Variants in ACYP2 observed in about 807,000 individuals in gnomAD.
ACYP2 encodes the protein acylphosphatase 2.
Under a neutral mutation model 11.2 loss-of-function variants are expected in ACYP2, and 12 were observed. That is an observed-to-expected ratio of 1.08 (90% CI 0.69 to 1.74). The LOEUF (loss-of-function observed/expected upper bound fraction) is 1.74. ACYP2 is among the 40% of genes most tolerant of loss of function. ACYP2 has a pLI of 0.00. For synonymous variants in ACYP2, 43 were observed against 32.2 expected (o/e 1.33, Z -1.13); for missense variants, 134 against 101.9 (o/e 1.31, Z -1.35).
chr2:54,158,895 T>C (rs1682570212), intron 6 of ACYP2, among the ~76,000 whole-genome samples: 1 of 152,122 alleles, frequency 6.6e-6, no homozygotes, highest in Non-Finnish European at 1.5e-5. Context: ...GAAAACAAAT[T>C]TGGACAATAT....
At chr2:54,296,784 T>C (rs1212383145) in intron 6 of ACYP2, among the ~76,000 whole-genome samples, 1 of 152,242 alleles carries the variant, frequency 6.6e-6, no homozygotes, top group Admixed American at 6.5e-5. Flanking sequence ...GGTTATCAAA[T>C]AACCTGACTT....
chr2:53,996,176 A>G (rs989080363), intron 2 of ACYP2, among the ~76,000 whole-genome samples: 12 of 152,146 alleles, frequency 7.9e-5, no homozygotes, highest in South Asian at 2.1e-4. Context: ...ACAAACGGCT[A>G]TTCTAGGCAT....
chr2:53,988,096 G>A (rs986961257), intron 2 of ACYP2, among the ~76,000 whole-genome samples: 1 of 152,118 alleles, frequency 6.6e-6, no homozygotes, highest in Non-Finnish European at 1.5e-5. Flanking sequence ...TGGGCATGGT[G>A]TTGCGCACCT....
intron 4 of ACYP2, among the ~76,000 whole-genome samples, chr2:54,119,258 T>C (rs1013205231): frequency 6.6e-6 from 1 of 151,872 alleles, no homozygotes; most frequent in African/African-American, 2.4e-5. Context: ...AGTCTCACTA[T>C]GTTGACTAGG....
chr2:53,979,687 G>C (rs138163307), intron 2 of ACYP2, among the ~76,000 whole-genome samples: 1 of 151,906 alleles, frequency 6.6e-6, no homozygotes, highest in Admixed American at 6.6e-5. Context: ...GCAGTACAAT[G>C]TGTGTGTGTT....
At chr2:54,114,950 A>C (rs1190515070) in intron 4 of ACYP2, among the ~76,000 whole-genome samples, 3 of 151,160 alleles carry the variant, frequency 2.0e-5, no homozygotes, top group Non-Finnish European at 4.4e-5. Context: ...TAATTTACTA[A>C]CTCTCAAAAC....
At chr2:54,164,687 G>A (rs558169104) in intron 6 of ACYP2, among the ~76,000 whole-genome samples, 48 of 152,204 alleles carry the variant, frequency 3.2e-4, no homozygotes, top group Admixed American at 8.5e-4. Context: ...GGCAAACAGC[G>A]TTTTTTTGTT....
At chr2:54,177,351 G>C (rs748167038) in intron 6 of ACYP2, among the ~76,000 whole-genome samples, 2 of 152,142 alleles carry the variant, frequency 1.3e-5, no homozygotes, top group Non-Finnish European at 1.5e-5. Context: ...ATGGTGTGAG[G>C]TCTTCTCCTA....
At chr2:54,186,639 G>A (rs1432045359) in intron 6 of ACYP2, among the ~76,000 whole-genome samples, 1 of 151,776 alleles carries the variant, frequency 6.6e-6, no homozygotes, top group East Asian at 1.9e-4. Flanking sequence ...TCAGCCTCCC[G>A]AGTAGCTGGG....
In ACYP2 at chr2:54,207,008, T is replaced by TTG. The variant is rs553019356; in HGVS notation, c.404+68272_404+68273dup. Reference sequence around the variant, plus strand: ...GAGTTCTCTAGAGAAGCAGAACCAATTGTGTGTGTGTGTATATGTGTGCAT... The same window carrying TTG: ...GAGTTCTCTAGAGAAGCAGAACCAATTGTGTGTGTGTGTGTATATGTGTGCAT... On this transcript the variant is annotated intron_variant, in intron 6 of 6. Coordinates refer to ENST00000607452, the MANE Select transcript of ACYP2 (RefSeq NM_001320586.2). Among the ~76,000 whole-genome samples, 724 of 151,630 alleles carry TTG rather than the reference T, an allele frequency of 4.8e-3. 10 individuals are homozygous for TTG. Among genetic ancestry groups the TTG allele is most frequent in the African/African-American group, 0.017 (688 of 41,404 alleles).
chr2:54,255,936 G>A, intron 6 of ACYP2: 1 of 1,614,120 alleles, frequency 6.2e-7, no homozygotes, highest in South Asian at 1.1e-5. Flanking sequence ...CGACCAAGAT[G>A]TGGAAAGTAT....
chr2:54,205,108 C>T (rs1329416927), intron 6 of ACYP2, among the ~76,000 whole-genome samples: 3 of 152,072 alleles, frequency 2.0e-5, no homozygotes. Context: ...TTCTGGTTTC[C>T]CTCCTTTGAA....
rs554517071 is a variant in ACYP2 at position 54,092,096 on chromosome 2, C to T, written c.277+34736C>T. On this transcript the variant is annotated intron_variant, in intron 4 of 6. Transcript: ENST00000607452. ...GGGAGTTGGAGGACCCAAAGATGAA[C>T]CAGGTTTCCAGCAGAGGTACTGGAT... Among the ~76,000 whole-genome samples, 3 of 151,876 alleles carry T rather than the reference C, an allele frequency of 2.0e-5. No individual in the cohort carries two copies. The East Asian group carries it at 5.8e-4, about 29-fold the overall frequency.
rs1019477393 is a variant in ACYP2, at chr2:54,115,396, T to G, written c.278-20057T>G. ...TTACTAACTTTGAGAACAGAGTACCTTGATCAATTAAATGGTAGGGAGCGC... is the reference window on the plus strand; with the variant it reads ...TTACTAACTTTGAGAACAGAGTACCGTGATCAATTAAATGGTAGGGAGCGC... On this transcript the variant is annotated intron_variant, in intron 4 of 6. Coordinates refer to ENST00000607452, the MANE Select transcript of ACYP2 (RefSeq NM_001320586.2). 3.8e-5 allele frequency: 23 copies of G among 610,586 alleles called. No individual in the cohort carries two copies. The African/African-American group carries it at 4.1e-4, about 11-fold the overall frequency. The allele number at this position is 610,586 out of a possible 1,614,324, so 37.8% of individuals were successfully genotyped here. A position where few individuals can be genotyped will look rare whatever the true frequency, so the allele number is the denominator to read the frequency against.
At chr2:54,297,994 C>T (rs1191314938) in intron 6 of ACYP2, among the ~76,000 whole-genome samples, 1 of 152,108 alleles carries the variant, frequency 6.6e-6, no homozygotes, top group Non-Finnish European at 1.5e-5. Context: ...CAAACACGGA[C>T]ATTTAAAACT....
chr2:54,204,660 T>C (rs1684999551), intron 6 of ACYP2, among the ~76,000 whole-genome samples: 1 of 152,192 alleles, frequency 6.6e-6, no homozygotes, highest in Non-Finnish European at 1.5e-5. Flanking sequence ...GTGTCTTTTA[T>C]TTCCCTTATA....
intron 6 of ACYP2, among the ~76,000 whole-genome samples, chr2:54,271,016 G>T (rs142879802): frequency 2.0e-5 from 3 of 152,240 alleles, no homozygotes; most frequent in Admixed American, 6.5e-5. Flanking sequence ...TTGAAACCAC[G>T]TTTGCAGAGA....
rs775063004 is a variant in ACYP2, at chr2:54,231,387, A to G, written c.405-73301A>G. Among the ~76,000 whole-genome samples, 33 of 152,264 alleles carry G rather than the reference A, an allele frequency of 2.2e-4. 1 individual carries two copies. The highest frequency in any genetic ancestry group is 4.6e-4 in the Non-Finnish European group (31 of 68,040). On this transcript the variant is annotated intron_variant, in intron 6 of 6. Transcript: ENST00000607452. Reference sequence around the variant, plus strand: ...AGAAAAATACTAAGATATAGCATGCATCCAAGAAATGCAGTATCTTTCTGT... The same window carrying G: ...AGAAAAATACTAAGATATAGCATGCGTCCAAGAAATGCAGTATCTTTCTGT...
intron 3 of ACYP2, among the ~76,000 whole-genome samples, chr2:54,053,560 C>T (rs189533114): frequency 6.6e-6 from 1 of 152,280 alleles, no homozygotes; most frequent in Admixed American, 6.5e-5. Context: ...CTGTGTACAC[C>T]CAGCTTGCCC....
Sources: gnomAD v4.1 joint callset for allele counts (sites outside exome capture counted in the v4.1 genomes callset) on GRCh38, gnomAD v4.1.1 for gene constraint, MANE v1.5 for transcripts, NCBI Gene and HGNC (gene_info 2026-07-23, HGNC 2026-07-21) for gene names.